Variants in MARCHF1 observed in about 807,000 individuals in gnomAD.
MARCHF1 encodes membrane associated ring-CH-type finger 1, also known as E3 ubiquitin-protein ligase MARCHF1.
Under a neutral mutation model 54.2 loss-of-function variants are expected in MARCHF1, and 40 were observed. The ratio of observed to expected loss-of-function variants is 0.74; its 90% CI spans 0.57 to 0.96. The LOEUF is 0.96. Among genes scored for constraint, MARCHF1 ranks in the 40% least tolerant of loss-of-function variants. MARCHF1 has a pLI of 0.00. For synonymous variants in MARCHF1, 236 were observed against 236.3 expected, an observed-to-expected ratio of 1.00 and a Z score of 0.01; for missense variants, 586 against 656.5, an observed-to-expected ratio of 0.89 and a Z score of 1.17.
At chr4:163,561,249 G>A (rs1303180020) in intron 8 of MARCHF1, among the ~76,000 whole-genome samples, 1 of 152,000 alleles carries the variant, frequency 6.6e-6, no homozygotes, top group Non-Finnish European at 1.5e-5. Flanking sequence ...TTGGATGTCA[G>A]TCATATCTAG....
intron 8 of MARCHF1, among the ~76,000 whole-genome samples, chr4:163,580,658 A>G (rs1740199069): frequency 6.6e-6 from 1 of 152,354 alleles, no homozygotes; most frequent in South Asian, 2.1e-4. Context: ...TGGTGTGCAT[A>G]TAATGATATA....
intron 5 of MARCHF1, among the ~76,000 whole-genome samples, chr4:163,667,102 G>A (rs184063717): frequency 2.0e-5 from 3 of 152,204 alleles, no homozygotes; most frequent in Admixed American, 2.0e-4. Flanking sequence ...CCAGCAGTGT[G>A]ACTGCTTGCA....
rs188914634 is a variant in MARCHF1, at chr4:163,774,029, C to T, written c.112-73166G>A. ...TCTGCCTAACTAGCTTAAGAATGCA[C>T]ATACAATTGTCTCCCTGTATCTGTG... On this transcript the variant is annotated intron_variant, in intron 4 of 9. Transcript: ENST00000514618. Among the ~76,000 whole-genome samples, 9 of 152,276 alleles carry T rather than the reference C, an allele frequency of 5.9e-5. No individual in the cohort carries two copies. In the East Asian group the frequency reaches 7.7e-4, roughly 13 times the overall value.
At chr4:164,247,643 T>TA (rs1351738709) in intron 1 of MARCHF1, among the ~76,000 whole-genome samples, 5,390 of 113,298 alleles carry the variant, frequency 0.048, 327 homozygotes, top group East Asian at 0.3. Context: ...AAAAAGAAAG[T>TA]AAAAAAAAAA....
rs962217424 is a variant in MARCHF1, at chr4:164,190,877, TG to T, written c.-322-79216del. 2.1e-4 allele frequency among the ~76,000 whole-genome samples: 32 copies of T among 152,332 alleles called. 1 individual carries two copies. The highest frequency in any genetic ancestry group is 6.7e-4 in the African/African-American group (28 of 41,574). On this transcript the variant is annotated intron_variant, in intron 1 of 9. Coordinates refer to ENST00000514618, the MANE Select transcript of MARCHF1 (RefSeq NM_001394959.1). ...AGGACACATTACTGAGCTAGCCACC[TG>T]GGCATGTCTCTTGAAATCATGGTAC...
Position 163,613,049 on chromosome 4 carries a change from C to T in MARCHF1, c.243-11G>A. The T allele has an allele frequency of 6.8e-7, 1 of 1,464,572 alleles. No individual in the cohort carries two copies. The highest frequency in any genetic ancestry group is 8.9e-7 in the Non-Finnish European group (1 of 1,118,394). The allele number at this position is 1,464,572 out of a possible 1,614,324, so 90.7% of individuals were successfully genotyped here. On this transcript the variant is annotated splice_polypyrimidine_tract_variant and intron_variant, in intron 6 of 9. Coordinates refer to ENST00000514618, the MANE Select transcript of MARCHF1 (RefSeq NM_001394959.1). ...TGCAAGATGGCAGATCTAGACAGAG[C>T]AGCAGGCAAAGGATGGGAAATGGGA...
chr4:164,192,133 C>T (rs1731140368), intron 1 of MARCHF1, among the ~76,000 whole-genome samples: 1 of 152,058 alleles, frequency 6.6e-6, no homozygotes, highest in South Asian at 2.1e-4. Flanking sequence ...ATAATTATTA[C>T]TAAAAACAGA....
chr4:164,178,105 C>T (rs55786628), intron 1 of MARCHF1, among the ~76,000 whole-genome samples: 24,069 of 152,052 alleles, frequency 0.16, 2,709 homozygotes, highest in African/African-American at 0.31. Context: ...ATCCTTGAAC[C>T]CAATCACATT....
Position 163,864,723 on chromosome 4 carries a change from G to A in MARCHF1, c.-38-10554C>T, listed in dbSNP as rs192953516. On this transcript the variant is annotated intron_variant, in intron 3 of 9. Coordinates refer to ENST00000514618, the MANE Select transcript of MARCHF1 (RefSeq NM_001394959.1). ...TAAAAAATGTGAATTATATTTTCAGGTCGGTGAAAACTACATCTTATTTCA... is the reference window on the plus strand; with the variant it reads ...TAAAAAATGTGAATTATATTTTCAGATCGGTGAAAACTACATCTTATTTCA... Among the ~76,000 whole-genome samples the A allele has an allele frequency of 2.0e-5, 3 of 151,874 alleles. No individual in the cohort carries two copies. In the East Asian group the frequency reaches 5.8e-4, roughly 29 times the overall value.
chr4:163,881,577 C>T (rs1287421596), intron 3 of MARCHF1, among the ~76,000 whole-genome samples: 2 of 152,060 alleles, frequency 1.3e-5, no homozygotes, highest in African/African-American at 4.8e-5. Flanking sequence ...GTTTCCAGAC[C>T]TTGAGGTAGT....
intron 3 of MARCHF1, among the ~76,000 whole-genome samples, chr4:163,871,111 T>A (rs1053443587): frequency 1.3e-5 from 2 of 152,120 alleles, no homozygotes; most frequent in East Asian, 1.9e-4. Flanking sequence ...ATATGTACAA[T>A]CATTATGTGT....
At chr4:163,842,305 G>A (rs138282878) in intron 4 of MARCHF1, among the ~76,000 whole-genome samples, 1 of 151,768 alleles carries the variant, frequency 6.6e-6, no homozygotes, top group East Asian at 1.9e-4. Context: ...TGTGAAATGG[G>A]GAATACAGTA....
intron 4 of MARCHF1, among the ~76,000 whole-genome samples, chr4:163,789,413 C>A (rs1487076770): frequency 2.6e-5 from 4 of 151,830 alleles, no homozygotes. Context: ...CTGCTTAATA[C>A]CTTGGGATGA....
At chr4:163,926,657 T>A (rs28603101) in intron 3 of MARCHF1, among the ~76,000 whole-genome samples, 5 of 151,822 alleles carry the variant, frequency 3.3e-5, no homozygotes, top group African/African-American at 9.6e-5. Flanking sequence ...TCAGTAATTT[T>A]AAAAATGTCA....
At position 163,942,219 on chromosome 4, in the gene MARCHF1, C is replaced by T. The variant is rs1444168595; in HGVS notation, c.-39+46282G>A. ...ACTTCCTTGGAAAAGTGACCAACTC[C>T]ACCGTGTCCAATTTGGAAGTTATTC... On this transcript the variant is annotated intron_variant, in intron 3 of 9. Transcript: ENST00000514618. 5.3e-5 allele frequency among the ~76,000 whole-genome samples: 8 copies of T among 152,300 alleles called. No homozygotes were observed. In the East Asian group the frequency reaches 1.2e-3, roughly 22 times the overall value.
intron 9 of MARCHF1, among the ~76,000 whole-genome samples, chr4:163,542,308 C>T (rs977186688): frequency 1.3e-5 from 2 of 152,148 alleles, no homozygotes; most frequent in African/African-American, 2.4e-5. Context: ...CAGTGTTGAC[C>T]GGACTACTTG....
chr4:163,886,565 A>G (rs1352713290), intron 3 of MARCHF1, among the ~76,000 whole-genome samples: 1 of 152,142 alleles, frequency 6.6e-6, no homozygotes, highest in Admixed American at 6.6e-5. Flanking sequence ...GAATAAGCAG[A>G]GAAGAGGAGA....
intron 4 of MARCHF1, among the ~76,000 whole-genome samples, chr4:163,704,125 A>AT (rs1342939620): frequency 3.3e-5 from 5 of 151,798 alleles, no homozygotes; most frequent in African/African-American, 7.3e-5. Context: ...ATATGAAAAA[A>AT]AAATAAATAT....
intron 2 of MARCHF1, among the ~76,000 whole-genome samples, chr4:164,053,427 TCATA>T (rs1560881511): frequency 1.3e-5 from 2 of 152,144 alleles, no homozygotes; most frequent in Non-Finnish European, 2.9e-5. Context: ...GAAAAAGCCC[TCATA>T]CAGTCTGTGA....
Sources: gnomAD v4.1 joint callset for allele counts (sites outside exome capture counted in the v4.1 genomes callset) on GRCh38, gnomAD v4.1.1 for gene constraint, MANE v1.5 for transcripts, NCBI Gene and HGNC (gene_info 2026-07-23, HGNC 2026-07-21) for gene names.